Variants in MCMDC2 observed in about 807,000 individuals in gnomAD.
MCMDC2 encodes the protein minichromosome maintenance domain-containing protein 2.
A neutral mutation model predicts 75.8 loss-of-function variants in MCMDC2; 54 were observed. That is an observed-to-expected ratio of 0.71 (90% CI 0.57 to 0.89). The LOEUF is 0.89. Ranked by LOEUF, MCMDC2 falls within the 40% of genes least tolerant of loss-of-function variation. MCMDC2 has a pLI of 0.00. For missense variants in MCMDC2, 656 were observed against 780.4 expected (o/e 0.84, Z 1.90); for synonymous variants, 249 against 274.6 (o/e 0.91, Z 0.92).
At chr8:66,904,214 C>T (rs189346197) in intron 13 of MCMDC2, among the ~76,000 whole-genome samples, 1 of 152,082 alleles carries the variant, frequency 6.6e-6, no homozygotes, top group Non-Finnish European at 1.5e-5. Flanking sequence ...GGAGTATTAA[C>T]CAAATTAGGT....
Position 66,874,072 on chromosome 8 carries a change from G to T in MCMDC2, c.-69G>T. 1 of 1,002,042 alleles carries T rather than the reference G, an allele frequency of 1.0e-6. No individual in the cohort carries two copies. Among genetic ancestry groups the T allele is most frequent in the Non-Finnish European group, 1.4e-6 (1 of 691,026 alleles). The allele number at this position is 1,002,042 out of a possible 1,614,324, so 62.1% of individuals were successfully genotyped here. A position where few individuals can be genotyped will look rare whatever the true frequency, so the allele number is the denominator to read the frequency against. On this transcript the variant is annotated 5_prime_UTR_variant, in exon 2 of 15. An upstream start codon of the reference 5' UTR is lost. Transcript: ENST00000422365. The stretch of plus-strand genomic sequence containing the variant: ...TTCTAGGTTTTCACATCCTTTCTAT[G>T]AGTTTCGCCATCTATAGCTTTTATC...
intron 1 of MCMDC2, among the ~76,000 whole-genome samples, chr8:66,872,820 G>A (rs1811087232): frequency 6.6e-6 from 1 of 151,838 alleles, no homozygotes; most frequent in African/African-American, 2.4e-5. Context: ...TAGCTGGGCC[G>A]GGTGACACAT....
Position 66,921,465 on chromosome 8 carries a change from T to TTTATA in MCMDC2, c.*2297_*2301dup. Reference sequence around the variant, plus strand: ...AAAATTATAACCTTGGTAAAAGGAATTTATAAGCTAGTACTCAACAGGAGA... The same window carrying TTTATA: ...AAAATTATAACCTTGGTAAAAGGAATTTATATTATAAGCTAGTACTCAACAGGAGA... On this transcript the variant is annotated 3_prime_UTR_variant, in exon 15 of 15. Transcript: ENST00000422365. The TTTATA allele has an allele frequency of 6.6e-6, 1 of 152,332 alleles. No homozygotes were observed. Among genetic ancestry groups the TTTATA allele is most frequent in the South Asian group, 2.1e-4 (1 of 4,832 alleles). 9.4% of individuals were successfully genotyped at this position (152,332 alleles called of 1,614,324 possible).
chr8:66,896,023 G>C (rs1412768307), intron 10 of MCMDC2, 147 bp from the exon 11 acceptor site: 1 of 644,822 alleles, frequency 1.6e-6, no homozygotes, highest in South Asian at 2.3e-5. Context: ...AGAACTTAGA[G>C]CATTGTCTTG....
At chr8:66,889,754 C>G (rs939766168) in intron 9 of MCMDC2, among the ~76,000 whole-genome samples, 2 of 152,150 alleles carry the variant, frequency 1.3e-5, no homozygotes, top group African/African-American at 4.8e-5. Flanking sequence ...TGAGATTGCT[C>G]CATTGCACTC....
chr8:66,874,234 G>T lies in MCMDC2; in HGVS notation c.94G>T (p.Asp32Tyr), dbSNP rs775858134. 5 of 1,611,244 alleles carry T rather than the reference G, an allele frequency of 3.1e-6. No individual in the cohort carries two copies. In the East Asian group the frequency reaches 1.1e-4, roughly 36 times the overall value. ...TATAGATGATTGCAAGTACTACAAT[G>T]GTACGTTCAGCAAAGGTGAGTTATT... is the stretch of plus-strand genomic sequence containing the variant. ...KFIDDCKYYN[D>Y]SKQSYAVYRF... is the part of the protein sequence containing the mutation. The change falls in exon 2 of 15, where the codon GAT becomes TAT. Residue 32 changes from aspartate to tyrosine, a missense_variant and splice_region_variant. Coordinates refer to ENST00000422365, the MANE Select transcript of MCMDC2 (RefSeq NM_173518.5).
intron 9 of MCMDC2, among the ~76,000 whole-genome samples, chr8:66,885,210 G>C (rs559847244): frequency 2.0e-5 from 3 of 151,864 alleles, no homozygotes; most frequent in Admixed American, 6.6e-5. Context: ...GCACGCGCCT[G>C]TAGTCCCAGC....
At chr8:66,902,112 T>G (rs1290479668) in intron 13 of MCMDC2, among the ~76,000 whole-genome samples, 1 of 151,208 alleles carries the variant, frequency 6.6e-6, no homozygotes, top group Non-Finnish European at 1.5e-5. Context: ...GAGGATCACT[T>G]GAGCTCAAGA....
At chr8:66,885,941 C>T (rs1033797743) in intron 9 of MCMDC2, among the ~76,000 whole-genome samples, 1 of 152,056 alleles carries the variant, frequency 6.6e-6, no homozygotes, top group Non-Finnish European at 1.5e-5. Flanking sequence ...ATCAGTAGTT[C>T]ATTGTTTCTG....
intron 14 of MCMDC2, among the ~76,000 whole-genome samples, chr8:66,909,882 C>T (rs1176034691): frequency 2.0e-5 from 3 of 152,218 alleles, no homozygotes; most frequent in African/African-American, 7.2e-5. Flanking sequence ...AGCAGCCCCT[C>T]CCCTCATAGT....
At chr8:66,884,728 T>G (rs2130809691) in intron 9 of MCMDC2, 1 of 152,212 alleles carries the variant, frequency 6.6e-6, no homozygotes, top group African/African-American at 2.4e-5. Flanking sequence ...CTGACAGAAT[T>G]TTTTTCCTCA....
In MCMDC2 at chr8:66,902,006, G is replaced by T. The variant is rs139944288; in HGVS notation, c.1769+658G>T. On this transcript the variant is annotated intron_variant, in intron 13 of 14. Coordinates refer to ENST00000422365, the MANE Select transcript of MCMDC2 (RefSeq NM_173518.5). ...TAATCCCAGCACTTTAGGAGGCTGAGGCAGGTGGGTGGCTTGAGCTCAGTT... is the reference window on the plus strand; with the variant it reads ...TAATCCCAGCACTTTAGGAGGCTGATGCAGGTGGGTGGCTTGAGCTCAGTT... Among the ~76,000 whole-genome samples, 328 of 152,252 alleles carry T rather than the reference G, an allele frequency of 2.2e-3. 4 individuals are homozygous for T. Among genetic ancestry groups the T allele is most frequent in the African/African-American group, 7.6e-3 (316 of 41,552 alleles).
Position 66,901,269 on chromosome 8 carries a change from G to A in MCMDC2, c.1690G>A (p.Gly564Ser), listed in dbSNP as rs1812643392. ...CTTGGAAGCAGAAAGAATGACCCAT[G>A]GCTATTATCTAGCAAGTCGCAGAAT... is the stretch of plus-strand genomic sequence containing the variant. ...FSLEAERMTH[G>S]YYLASRRIRT... is the part of the protein sequence containing the mutation. Residue 564 changes from glycine to serine, a missense_variant, in exon 13 of 15, where the codon GGC becomes AGC. Coordinates refer to ENST00000422365, the MANE Select transcript of MCMDC2 (RefSeq NM_173518.5). The A allele has an allele frequency of 6.2e-7, 1 of 1,614,056 alleles. No homozygotes were observed. The highest frequency in any genetic ancestry group is 1.3e-5 in the African/African-American group (1 of 75,052).
chr8:66,904,491 A>G (rs1233767962), intron 13 of MCMDC2, among the ~76,000 whole-genome samples: 2 of 152,168 alleles, frequency 1.3e-5, no homozygotes, highest in East Asian at 3.8e-4. Flanking sequence ...AAAACTTTCA[A>G]ATGCCTTTAC....
At chr8:66,900,126 C>A (rs1471826442) in intron 12 of MCMDC2, among the ~76,000 whole-genome samples, 1 of 150,546 alleles carries the variant, frequency 6.6e-6, no homozygotes, top group Non-Finnish European at 1.5e-5. Flanking sequence ...TAGAGCAAGC[C>A]TCCATCTCAA....
rs1585871145 is a variant in MCMDC2, at chr8:66,888,594, T to C, written c.1074-2271T>C. ...AGGTCATGCAAATATTTTGTTAAATTGGTTCTAAAAATATTTGATATTTTT... is the reference window on the plus strand; with the variant it reads ...AGGTCATGCAAATATTTTGTTAAATCGGTTCTAAAAATATTTGATATTTTT... On this transcript the variant is annotated intron_variant, in intron 9 of 14. Coordinates refer to ENST00000422365, the MANE Select transcript of MCMDC2 (RefSeq NM_173518.5). Among the ~76,000 whole-genome samples, 3 of 152,216 alleles carry C rather than the reference T, an allele frequency of 2.0e-5. No homozygotes were observed. In the South Asian group the frequency reaches 6.2e-4, roughly 32 times the overall value.
At chr8:66,875,282 C>T (rs1182644503) in intron 4 of MCMDC2, among the ~76,000 whole-genome samples, 2 of 151,928 alleles carry the variant, frequency 1.3e-5, no homozygotes, top group African/African-American at 4.8e-5. Context: ...GGACATTTTT[C>T]TTCTTTCTTT....
Position 66,920,292 on chromosome 8 carries a change from G to C in MCMDC2, c.*1123G>C, listed in dbSNP as rs1005983019. ...GTCTCGCTCTGTCATGCAGGCTGGAGTGCAGTGGTGTTATCTTGGCACTGC... is the reference window on the plus strand; with the variant it reads ...GTCTCGCTCTGTCATGCAGGCTGGACTGCAGTGGTGTTATCTTGGCACTGC... On this transcript the variant is annotated 3_prime_UTR_variant, in exon 15 of 15. Coordinates refer to ENST00000422365, the MANE Select transcript of MCMDC2 (RefSeq NM_173518.5). 6 of 152,272 alleles carry C rather than the reference G, an allele frequency of 3.9e-5. No individual in the cohort carries two copies. The highest frequency in any genetic ancestry group is 1.2e-4 in the African/African-American group (5 of 41,446). The allele number at this position is 152,272 out of a possible 1,614,324, so 9.4% of individuals were successfully genotyped here.
At chr8:66,894,542 C>T (rs1189929440) in intron 10 of MCMDC2, among the ~76,000 whole-genome samples, 2 of 152,082 alleles carry the variant, frequency 1.3e-5, no homozygotes, top group Admixed American at 1.3e-4. Flanking sequence ...TTCCACTGTC[C>T]TGGTAAAAAC....
Sources: gnomAD v4.1 joint callset for allele counts (sites outside exome capture counted in the v4.1 genomes callset) on GRCh38, gnomAD v4.1.1 for gene constraint, MANE v1.5 for transcripts, NCBI Gene and HGNC (gene_info 2026-07-23, HGNC 2026-07-21) for gene names.